MTMR14: variants seen among roughly 807,000 people sequenced by gnomAD.
MTMR14 encodes phosphatidylinositol-3,5-bisphosphate 3-phosphatase MTMR14.
A neutral mutation model predicts 86.3 loss-of-function variants in MTMR14; 48 were observed. That is an observed-to-expected ratio of 0.56 (90% CI 0.44 to 0.71). The LOEUF is 0.71. Ranked by LOEUF, MTMR14 falls within the 30% of genes least tolerant of loss-of-function variation. MTMR14 has a pLI of 0.00. For missense variants in MTMR14, 780 were observed against 834.6 expected (o/e 0.93, Z 0.81); for synonymous variants, 366 against 326.1 (o/e 1.12, Z -1.32).
chr3:9,680,719 G>C (rs928543009), intron 9 of MTMR14, among the ~76,000 whole-genome samples: 29 of 152,276 alleles, frequency 1.9e-4, no homozygotes, highest in African/African-American at 3.8e-4. Flanking sequence ...CGCCTGTAGT[G>C]CCAGCTACTC....
chr3:9,684,427 C>T (rs2075868019), intron 10 of MTMR14, among the ~76,000 whole-genome samples, 158 bp from the exon 11 acceptor site: 1 of 152,128 alleles, frequency 6.6e-6, no homozygotes, highest in African/African-American at 2.4e-5. Context: ...TCACCCCTTT[C>T]TGGGACTAGG....
chr3:9,689,204 C>A, intron 16 of MTMR14, 122 bp downstream of exon 16: 1 of 1,412,300 alleles, frequency 7.1e-7, no homozygotes, highest in Non-Finnish European at 9.7e-7. Context: ...GAGAGGATAG[C>A]TCCGTGCTCC....
intron 2 of MTMR14, among the ~76,000 whole-genome samples, chr3:9,662,031 T>C (rs1574953560): frequency 6.6e-6 from 1 of 151,886 alleles, no homozygotes. Context: ...GAGGCTGTGG[T>C]GAGCCAAGAT....
intron 2 of MTMR14, among the ~76,000 whole-genome samples, chr3:9,661,128 G>T (rs1435352231): frequency 6.6e-6 from 1 of 152,116 alleles, no homozygotes; most frequent in African/African-American, 2.4e-5. Flanking sequence ...CCTTTGCTCT[G>T]TGCGCTGTTG....
intron 10 of MTMR14, 65 bp from the exon 11 acceptor site, chr3:9,684,520 A>G (rs1258937014): frequency 1.3e-6 from 2 of 1,523,718 alleles, no homozygotes. Flanking sequence ...AGCTGGTGGT[A>G]CTTCCTGCTC....
intron 3 of MTMR14, among the ~76,000 whole-genome samples, chr3:9,663,197 G>T (rs2048038208): frequency 6.6e-6 from 1 of 152,126 alleles, no homozygotes; most frequent in South Asian, 2.1e-4. Flanking sequence ...GAGGGGAAGG[G>T]AGCGGAATTC....
chr3:9,676,811 G>A (rs765538949), intron 7 of MTMR14, among the ~76,000 whole-genome samples: 2 of 152,178 alleles, frequency 1.3e-5, no homozygotes, highest in African/African-American at 2.4e-5. Flanking sequence ...CTTGAGCACC[G>A]GGTTTTAGGC....
At chr3:9,650,652 G>A (rs189060240) in intron 1 of MTMR14, 50 of 234,754 alleles carry the variant, frequency 2.1e-4, no homozygotes, top group African/African-American at 1.0e-3. Context: ...ATAGTCTGGG[G>A]ACCACCTGTT....
chr3:9,673,884 C>T (rs933681778), intron 7 of MTMR14, among the ~76,000 whole-genome samples: 8 of 152,078 alleles, frequency 5.3e-5, no homozygotes, highest in Non-Finnish European at 1.2e-4. Flanking sequence ...CAGGGAACCT[C>T]CTTTTCCCTA....
At position 9,665,502 on chromosome 3, in the gene MTMR14, G is replaced by T. The variant is rs577797733; in HGVS notation, c.417+3127G>T. ...AGAGAGGAAGAGGAGGAGGAGGCAA[G>T]GGTTGAAGAATACCTGTTGGGTCCT... On this transcript the variant is annotated intron_variant, in intron 3 of 18. Transcript: ENST00000296003. Among the ~76,000 whole-genome samples, 5 of 152,224 alleles carry T rather than the reference G, an allele frequency of 3.3e-5. No homozygotes were observed. In the South Asian group the frequency reaches 1.0e-3, roughly 32 times the overall value.
At position 9,655,514 on chromosome 3, in the gene MTMR14, G is replaced by A. The variant is rs1180015068; in HGVS notation, c.308+1745G>A. ...AGTGCTCTGTCACCCAGGCTGGAGT[G>A]CAGTGGCACGATCTTGGCTCACTGC... On this transcript the variant is annotated intron_variant, in intron 2 of 18. Coordinates refer to ENST00000296003, the MANE Select transcript of MTMR14 (RefSeq NM_001077525.3). Among the ~76,000 whole-genome samples, 3 of 137,412 alleles carry A rather than the reference G, an allele frequency of 2.2e-5. No individual in the cohort carries two copies. The Admixed American group carries it at 2.2e-4, about 10-fold the overall frequency. The allele number at this position is 137,412 out of a possible 152,430, so 90.1% of individuals were successfully genotyped here.
At chr3:9,667,440 AT>A (rs200578459) in intron 3 of MTMR14, among the ~76,000 whole-genome samples, 26 of 150,458 alleles carry the variant, frequency 1.7e-4, no homozygotes, top group East Asian at 3.9e-4. Context: ...ATGTGTACAT[AT>A]TTTTTTTTTC....
chr3:9,683,271 G>C, intron 10 of MTMR14, 27 bp downstream of exon 10: 1 of 1,606,710 alleles, frequency 6.2e-7, no homozygotes, highest in Non-Finnish European at 8.5e-7. Context: ...CAGAGCCCTC[G>C]AGCCACTGCA....
intron 2 of MTMR14, 81 bp downstream of exon 2, chr3:9,653,850 G>C: frequency 1.9e-6 from 3 of 1,577,466 alleles, no homozygotes; most frequent in Non-Finnish European, 2.6e-6. Flanking sequence ...CTGTAGCTGG[G>C]CAGGGCAGAA....
At position 9,688,743 on chromosome 3, in the gene MTMR14, T is replaced by A. The variant is rs1207206334; in HGVS notation, c.1283T>A (p.Ile428Asn). 1.2e-6 allele frequency: 2 copies of A among 1,614,122 alleles called. No individual in the cohort carries two copies. Among genetic ancestry groups the A allele is most frequent in the South Asian group, 2.2e-5 (2 of 91,068 alleles). Residue 428 changes from isoleucine to asparagine, a missense_variant, in exon 15 of 19, where the codon ATC (isoleucine) becomes AAC (asparagine). Coordinates refer to ENST00000296003, the MANE Select transcript of MTMR14 (RefSeq NM_001077525.3). ...GATGGAGGCTTCACCCTGGAAGACA[T>A]CTGCATGCTGAGTGAGTCCTGGGCC... The part of the protein sequence containing the change: ...ARDGGFTLED[I>N]CMLRRKDRGS...
intron 11 of MTMR14, 96 bp downstream of exon 11, chr3:9,684,766 C>A: frequency 6.5e-7 from 1 of 1,543,152 alleles, no homozygotes; most frequent in Non-Finnish European, 9.0e-7. Flanking sequence ...TCGCTCAGAG[C>A]AGATGTGTTT....
intron 17 of MTMR14, among the ~76,000 whole-genome samples, chr3:9,696,634 T>C (rs962937476): frequency 2.6e-5 from 4 of 152,176 alleles, no homozygotes; most frequent in African/African-American, 7.2e-5. Flanking sequence ...TGCACTCCAG[T>C]GGCAGCTGCT....
At chr3:9,670,168 G>C (rs114293729) in intron 5 of MTMR14, among the ~76,000 whole-genome samples, 88 of 152,356 alleles carry the variant, frequency 5.8e-4, no homozygotes, top group African/African-American at 2.1e-3. Flanking sequence ...AAGCATCTCT[G>C]GAATGCACAC....
At chr3:9,664,916 A>C (rs116144737) in intron 3 of MTMR14, among the ~76,000 whole-genome samples, 5,686 of 152,252 alleles carry the variant, frequency 0.037, 354 homozygotes, top group African/African-American at 0.13. Flanking sequence ...GATTGTTTGT[A>C]ACATAGAGGA....
Sources: allele counts gnomAD v4.1 joint callset (sites outside exome capture counted in the v4.1 genomes callset), GRCh38; gene constraint gnomAD v4.1.1; transcripts MANE v1.5; gene names NCBI Gene and HGNC (gene_info 2026-07-23, HGNC 2026-07-21).